The following MICAL2 variants were observed in gnomAD, a reference collection of about 807,000 sequenced individuals.
The protein encoded by MICAL2 is [F-actin]-monooxygenase MICAL2.
Under a neutral mutation model 127.3 loss-of-function variants are expected in MICAL2, and 77 were observed. The observed-to-expected ratio is 0.60, with a 90% CI of 0.50 to 0.73. MICAL2 has a LOEUF of 0.73. MICAL2 is among the 30% of genes least tolerant of loss of function. The probability of loss-of-function intolerance (pLI) is 0.00; values close to 1 mark genes in which losing one functional copy is unlikely to be tolerated. For missense variants in MICAL2, 1,351 were observed against 1,434.4 expected, an observed-to-expected ratio of 0.94 and a Z score of 0.94; for synonymous variants, 570 against 551.1, an observed-to-expected ratio of 1.03 and a Z score of -0.48.
intron 21 of MICAL2, 114 bp downstream of exon 21, chr11:12,244,226 G>T (rs1447027764): frequency 3.5e-5 from 50 of 1,444,336 alleles, no homozygotes; most frequent in Non-Finnish European, 3.5e-5. Flanking sequence ...ATAAAAATTT[G>T]TAAGATATTT....
intron 3 of MICAL2, among the ~76,000 whole-genome samples, chr11:12,173,939 T>C (rs547396810): frequency 6.6e-6 from 1 of 152,334 alleles, no homozygotes; most frequent in South Asian, 2.1e-4. Flanking sequence ...TATTTCAGCA[T>C]GTAATCACTG....
chr11:12,184,924 G>A (rs192246267), intron 3 of MICAL2, among the ~76,000 whole-genome samples: 1 of 151,464 alleles, frequency 6.6e-6, no homozygotes, highest in African/African-American at 2.4e-5. Flanking sequence ...CATAGCAGGA[G>A]GGGAGGAAGC....
chr11:12,234,080 CCATGT>C (rs1266904948), intron 15 of MICAL2, among the ~76,000 whole-genome samples: 4 of 152,158 alleles, frequency 2.6e-5, no homozygotes, highest in African/African-American at 7.2e-5. Context: ...TTGTCCCCGT[CCATGT>C]CCTTTATTCC....
intron 34 of MICAL2, among the ~76,000 whole-genome samples, chr11:12,357,022 C>T (rs1939139462): frequency 6.6e-6 from 1 of 152,216 alleles, no homozygotes; most frequent in South Asian, 2.1e-4. Context: ...AGAGACCGAG[C>T]ATGGGGCTCT....
At chr11:12,128,133 C>T (rs966813750) in intron 1 of MICAL2, among the ~76,000 whole-genome samples, 4 of 152,102 alleles carry the variant, frequency 2.6e-5, no homozygotes, top group Non-Finnish European at 4.4e-5. Context: ...AAAATAATGG[C>T]GCTTTTCAGG....
intron 3 of MICAL2, among the ~76,000 whole-genome samples, chr11:12,178,732 T>C (rs1042631610): frequency 6.6e-6 from 1 of 151,608 alleles, no homozygotes; most frequent in African/African-American, 2.4e-5. Flanking sequence ...TACTATTTTT[T>C]TTTTTTTGAG....
intron 31 of MICAL2, among the ~76,000 whole-genome samples, chr11:12,326,216 A>G (rs1289331915): frequency 6.6e-6 from 1 of 152,128 alleles, no homozygotes; most frequent in Non-Finnish European, 1.5e-5. Flanking sequence ...CAGAGGAGGA[A>G]CACAGGCATT....
At chr11:12,314,103 T>C (rs2134828593) in intron 29 of MICAL2, among the ~76,000 whole-genome samples, 1 of 151,876 alleles carries the variant, frequency 6.6e-6, no homozygotes, top group African/African-American at 2.4e-5. Flanking sequence ...AACCTATAGT[T>C]TGGGTTTCTG....
At chr11:12,237,325 G>A (rs1474964547) in intron 16 of MICAL2, among the ~76,000 whole-genome samples, 1 of 152,200 alleles carries the variant, frequency 6.6e-6, no homozygotes, top group Non-Finnish European at 1.5e-5. Flanking sequence ...AGGAAGCACT[G>A]TTTCTTCTCC....
At chr11:12,180,350 T>TATATATACATATATATATA (rs1554968182) in intron 3 of MICAL2, among the ~76,000 whole-genome samples, 1 of 104,110 alleles carries the variant, frequency 9.6e-6, no homozygotes, top group Non-Finnish European at 1.8e-5. Flanking sequence ...TATGTATATA[T>TATATATACATATATATATA]TTTTTTTTTG....
At chr11:12,344,150 G>C (rs565526779) in intron 32 of MICAL2, among the ~76,000 whole-genome samples, 156 of 152,120 alleles carry the variant, frequency 1.0e-3, no homozygotes, top group African/African-American at 3.5e-3. Context: ...ACAAAAATTA[G>C]TCGGGCATGG....
intron 1 of MICAL2, among the ~76,000 whole-genome samples, chr11:12,123,207 A>G (rs756375139): frequency 6.6e-6 from 1 of 152,218 alleles, no homozygotes; most frequent in Non-Finnish European, 1.5e-5. Flanking sequence ...GATTTTAGAC[A>G]TACTTTTTTT....
chr11:12,268,678 G>T (rs557051174), downstream of MICAL2, among the ~76,000 whole-genome samples: 14 of 152,296 alleles, frequency 9.2e-5, no homozygotes, highest in South Asian at 2.5e-3. Context: ...GAGGAAGCAG[G>T]GGACCCACCC....
downstream of MICAL2, chr11:12,294,095 C>G (rs75952256): frequency 1.9e-6 from 3 of 1,614,016 alleles, no homozygotes; most frequent in South Asian, 3.3e-5. Flanking sequence ...TAGAGGAGGC[C>G]GTGTGCTAAA....
intron 31 of MICAL2, chr11:12,324,219 C>A (rs1864331558): frequency 1.0e-6 from 1 of 968,782 alleles, no homozygotes; most frequent in East Asian, 3.0e-5. Flanking sequence ...AGATTTGTGG[C>A]CGTTTTAAAG....
intron 22 of MICAL2, 77 bp from the exon 23 acceptor site, chr11:12,255,566 C>T (rs765472556): frequency 7.6e-7 from 1 of 1,307,628 alleles, no homozygotes. Context: ...CCCCATCCAT[C>T]CTGCTTGTGT....
intron 3 of MICAL2, among the ~76,000 whole-genome samples, chr11:12,202,635 G>A (rs1854160414): frequency 6.6e-6 from 1 of 151,334 alleles, no homozygotes; most frequent in Non-Finnish European, 1.5e-5. Context: ...AAAAAGACCA[G>A]CCACAAGAGG....
At chr11:12,214,595 G>A (rs1855914555) in intron 7 of MICAL2, among the ~76,000 whole-genome samples, 1 of 152,206 alleles carries the variant, frequency 6.6e-6, no homozygotes, top group African/African-American at 2.4e-5. Flanking sequence ...GTTCTATACT[G>A]CCTTCGAGCT....
At chr11:12,268,800 C>T (rs1863637824) in intron 24 of MICAL2, among the ~76,000 whole-genome samples, 1 of 151,018 alleles carries the variant, frequency 6.6e-6, no homozygotes, top group African/African-American at 2.4e-5. Context: ...ACCATCCTGG[C>T]TAACATGGTG....
Sources: allele counts gnomAD v4.1 joint callset (sites outside exome capture counted in the v4.1 genomes callset), GRCh38; gene constraint gnomAD v4.1.1; transcripts MANE v1.5; gene names NCBI Gene and HGNC (gene_info 2026-07-23, HGNC 2026-07-21).